RASGRF1: variants seen among roughly 807,000 people sequenced by gnomAD.
RASGRF1 encodes ras-specific guanine nucleotide-releasing factor 1.
A neutral mutation model predicts 138.7 loss-of-function variants in RASGRF1; 40 were observed. The observed-to-expected ratio is 0.29, with a 90% confidence interval of 0.22 to 0.38. RASGRF1 has a LOEUF of 0.38. Ranked by LOEUF, RASGRF1 falls within the 10% of genes least tolerant of loss-of-function variation. The pLI, the probability that RASGRF1 is intolerant of heterozygous loss-of-function variation, is 1.00. For missense variants in RASGRF1, 1,108 were observed against 1,650.4 expected, an observed-to-expected ratio of 0.67 and a Z score of 5.69; for synonymous variants, 614 against 663.2, an observed-to-expected ratio of 0.93 and a Z score of 1.14.
At chr15:79,057,358 G>A (rs1447983289) in intron 3 of RASGRF1, among the ~76,000 whole-genome samples, 1 of 152,268 alleles carries the variant, frequency 6.6e-6, no homozygotes, top group Non-Finnish European at 1.5e-5. Flanking sequence ...GGTGCTGCCT[G>A]TCTGCCATGA....
intron 3 of RASGRF1, among the ~76,000 whole-genome samples, chr15:79,053,735 G>A (rs1366501050): frequency 6.6e-6 from 1 of 152,098 alleles, no homozygotes; most frequent in Non-Finnish European, 1.5e-5. Flanking sequence ...ACAGGATGGA[G>A]GGCACAGAGG....
intron 26 of RASGRF1, among the ~76,000 whole-genome samples, chr15:78,965,005 A>T (rs932188155): frequency 6.6e-6 from 1 of 152,116 alleles, no homozygotes; most frequent in Non-Finnish European, 1.5e-5. Flanking sequence ...AGCATGAGCC[A>T]CCGCGCCCGG....
chr15:79,054,786 T>C (rs2057488013), intron 3 of RASGRF1, among the ~76,000 whole-genome samples: 1 of 152,196 alleles, frequency 6.6e-6, no homozygotes. Flanking sequence ...TTCTGACAGA[T>C]ACAGGTAGTG....
intron 13 of RASGRF1, among the ~76,000 whole-genome samples, chr15:79,009,826 G>A (rs1280971406): frequency 6.6e-6 from 1 of 151,972 alleles, no homozygotes; most frequent in African/African-American, 2.4e-5. Flanking sequence ...CCGGGTTCAA[G>A]TGATTCTCCT....
chr15:79,030,186 T>A (rs1210324324), intron 8 of RASGRF1, among the ~76,000 whole-genome samples: 1 of 152,176 alleles, frequency 6.6e-6, no homozygotes, highest in Non-Finnish European at 1.5e-5. Flanking sequence ...TCCACCCAGC[T>A]GGGAGCTGTG....
At chr15:79,044,561 A>C (rs1489624633) in intron 5 of RASGRF1, among the ~76,000 whole-genome samples, 1 of 152,202 alleles carries the variant, frequency 6.6e-6, no homozygotes, top group East Asian at 1.9e-4. Context: ...CTACCAACCC[A>C]TTCCTTCCAT....
At chr15:79,002,944 G>A (rs1251144063) in intron 15 of RASGRF1, among the ~76,000 whole-genome samples, 1 of 152,274 alleles carries the variant, frequency 6.6e-6, no homozygotes, top group African/African-American at 2.4e-5. Context: ...GTGCGTGCGT[G>A]TGTGCACGTG....
chr15:78,987,582 G>C (rs1479718083), intron 22 of RASGRF1, among the ~76,000 whole-genome samples: 1 of 152,148 alleles, frequency 6.6e-6, no homozygotes, highest in African/African-American at 2.4e-5. Context: ...TGTAATCCCA[G>C]CTACTCAGGA....
chr15:78,986,642 C>T (rs1036361360), intron 22 of RASGRF1, among the ~76,000 whole-genome samples: 20 of 151,784 alleles, frequency 1.3e-4, no homozygotes, highest in African/African-American at 4.6e-4. Flanking sequence ...CCACCGCGCC[C>T]GGCCTTTGTG....
chr15:78,967,793 A>G (rs1480217077), intron 26 of RASGRF1, among the ~76,000 whole-genome samples: 1 of 152,130 alleles, frequency 6.6e-6, no homozygotes, highest in East Asian at 1.9e-4. Context: ...CCTTTTTCTG[A>G]GGGCTGAACC....
intron 1 of RASGRF1, among the ~76,000 whole-genome samples, chr15:79,075,092 G>A (rs1567618914): frequency 6.6e-6 from 1 of 152,166 alleles, no homozygotes; most frequent in Non-Finnish European, 1.5e-5. Context: ...TCTCAACCAT[G>A]GCTGGACACT....
At chr15:79,061,120 C>T (rs919575392) in intron 2 of RASGRF1, among the ~76,000 whole-genome samples, 2 of 152,152 alleles carry the variant, frequency 1.3e-5, no homozygotes, top group Non-Finnish European at 1.5e-5. Context: ...CCCTCCTCCC[C>T]TTCTTAGCTG....
chr15:78,995,783 T>C lies in RASGRF1; in HGVS notation c.2984A>G (p.Asp995Gly). The C allele has an allele frequency of 6.2e-7, 1 of 1,614,062 alleles. No homozygotes were observed. Among genetic ancestry groups the C allele is most frequent in the Non-Finnish European group, 8.5e-7 (1 of 1,180,006 alleles). Residue 995 changes from aspartate to glycine, a missense_variant, in exon 20 of 27, where the codon GAC becomes GGC. By Grantham distance (94) the Asp-to-Gly change is moderately conservative (BLOSUM62 -1). This residue lies in a region of RASGRF1 where 686 missense variants were observed against 976.7 expected (regional missense o/e 0.70). Transcript: ENST00000558480. ...ANIIRTLTQE[D>G]PGDNQITLEE... is the part of the protein sequence containing the mutation. ...CAGCGTGATCTGGTTGTCACCTGGG[T>C]CCTCCTGGGTCAGAGTCCTAGGCAG...
intron 24 of RASGRF1, 112 bp downstream of exon 24, chr15:78,980,508 C>T (rs372368484): frequency 6.8e-5 from 54 of 795,490 alleles, no homozygotes; most frequent in East Asian, 5.4e-4. Context: ...GGTAGACAGA[C>T]GAACAGACAG....
At chr15:78,966,369 T>C (rs1182992681) in intron 26 of RASGRF1, among the ~76,000 whole-genome samples, 5 of 151,704 alleles carry the variant, frequency 3.3e-5, no homozygotes, top group African/African-American at 1.2e-4. Flanking sequence ...CCTGAGTAGC[T>C]GGGACTACAG....
At chr15:79,022,375 G>C (rs899997421) in intron 10 of RASGRF1, among the ~76,000 whole-genome samples, 1 of 152,104 alleles carries the variant, frequency 6.6e-6, no homozygotes, top group Non-Finnish European at 1.5e-5. Flanking sequence ...GGGAGGCAGA[G>C]GTTGCAGTGA....
rs1214721226 is a variant in RASGRF1, at chr15:78,995,747, G to A, written c.3020C>T (p.Thr1007Met). ...AGGGCAGGCCCAGCTCACCATCTGCGTGATCTCCTCCAGCGTGATCTGGTT... is the reference window on the plus strand; with the variant it reads ...AGGGCAGGCCCAGCTCACCATCTGCATGATCTCCTCCAGCGTGATCTGGTT... ...GDNQITLEEITQMAEGVKAEP... is the reference protein window; with the variant it reads ...GDNQITLEEIMQMAEGVKAEP... Residue 1007 changes from threonine (T) to methionine (M), a missense_variant, in exon 20 of 27, where the codon ACG becomes ATG. Thr to Met is a moderately conservative substitution (Grantham distance 81). This residue lies in a region of RASGRF1 where 686 missense variants were observed against 976.7 expected (regional missense o/e 0.70). Transcript: ENST00000558480. 11 of 1,614,066 alleles carry A rather than the reference G, an allele frequency of 6.8e-6. 1 individual carries two copies. The highest frequency in any genetic ancestry group is 1.3e-5 in the African/African-American group (1 of 74,930).
At chr15:78,998,327 G>C in intron 18 of RASGRF1, 119 bp from the exon 19 acceptor site, 1 of 833,246 alleles carries the variant, frequency 1.2e-6, no homozygotes, top group East Asian at 2.5e-5. Flanking sequence ...AGGCTGACCT[G>C]CCTCATTTCC....
At chr15:78,992,493 T>A (rs2056292112) in intron 20 of RASGRF1, among the ~76,000 whole-genome samples, 1 of 152,072 alleles carries the variant, frequency 6.6e-6, no homozygotes, top group Admixed American at 6.5e-5. Flanking sequence ...GAGGCCAGTG[T>A]ATTGGGCACA....
Sources: gnomAD v4.1 joint callset for allele counts (sites outside exome capture counted in the v4.1 genomes callset) on GRCh38, gnomAD v4.1.1 for gene constraint, gnomAD v4.1.1 regional missense constraint, MANE v1.5 for transcripts, NCBI Gene and HGNC (gene_info 2026-07-23, HGNC 2026-07-21) for gene names.